Variants in ZNF385D observed in about 807,000 individuals in gnomAD.
ZNF385D encodes zinc finger protein 659.
A neutral mutation model predicts 35.8 loss-of-function variants in ZNF385D; 15 were observed. The ratio of observed to expected loss-of-function variants is 0.42; its 90% CI spans 0.28 to 0.64. ZNF385D has a LOEUF of 0.64. Among genes scored for constraint, ZNF385D ranks in the 30% least tolerant of loss-of-function variants. The probability of loss-of-function intolerance (pLI) is 0.23; values close to 1 mark genes in which losing one functional copy is unlikely to be tolerated. For synonymous variants in ZNF385D, 212 were observed against 186.8 expected (o/e 1.13, Z -1.10); for missense variants, 474 against 494.6 (o/e 0.96, Z 0.39).
At chr3:21,802,414 G>A (rs1436592835) in intron 3 of ZNF385D, among the ~76,000 whole-genome samples, 2 of 152,088 alleles carry the variant, frequency 1.3e-5, no homozygotes, top group Admixed American at 6.6e-5. Flanking sequence ...ACCCCTGAAA[G>A]AGAAGGCTAT....
chr3:21,930,219 C>T (rs1432340524), intron 3 of ZNF385D, among the ~76,000 whole-genome samples: 1 of 150,036 alleles, frequency 6.7e-6, no homozygotes, highest in Admixed American at 6.7e-5. Context: ...GCAAATGATG[C>T]TTGAACTATA....
At chr3:22,281,730 T>G (rs533310522) in intron 2 of ZNF385D, among the ~76,000 whole-genome samples, 1 of 152,192 alleles carries the variant, frequency 6.6e-6, no homozygotes, top group African/African-American at 2.4e-5. Flanking sequence ...TTCCTGGTTT[T>G]GGTGTTAGGA....
Position 22,313,895 on chromosome 3 carries a change from T to G in ZNF385D, c.106+58555A>C, listed in dbSNP as rs562759138. ...GATATCCTCAGGACCCTACCTCTTC[T>G]ATTCACTTCTTGGTTTGCTTCTTCA... On this transcript the variant is annotated intron_variant, in intron 2 of 5. Coordinates refer to the ZNF385D transcript ENST00000494108. Among the ~76,000 whole-genome samples, 23 of 152,276 alleles carry G rather than the reference T, an allele frequency of 1.5e-4. No individual in the cohort carries two copies. The East Asian group carries it at 2.5e-3, about 17-fold the overall frequency.
intron 3 of ZNF385D, among the ~76,000 whole-genome samples, chr3:22,159,747 G>T (rs1297550347): frequency 6.6e-6 from 1 of 152,004 alleles, no homozygotes; most frequent in East Asian, 1.9e-4. Context: ...TGATAAAAAA[G>T]GAATTTACTT....
intron 3 of ZNF385D, among the ~76,000 whole-genome samples, chr3:22,124,649 G>T (rs1354819978): frequency 6.6e-6 from 1 of 152,070 alleles, no homozygotes; most frequent in Non-Finnish European, 1.5e-5. Flanking sequence ...CTGTAGTTTG[G>T]ATTTGCATTT....
chr3:22,167,735 G>C (rs916388535), intron 3 of ZNF385D, among the ~76,000 whole-genome samples: 1 of 152,134 alleles, frequency 6.6e-6, no homozygotes, highest in Non-Finnish European at 1.5e-5. Flanking sequence ...GTGTCACTAG[G>C]TTTATCTTAT....
intron 2 of ZNF385D, among the ~76,000 whole-genome samples, chr3:21,571,025 C>G (rs1174342681): frequency 8.2e-6 from 1 of 121,418 alleles, no homozygotes; most frequent in African/African-American, 3.5e-5. Context: ...GGACAAATAA[C>G]TTACACACAA....
At chr3:22,291,481 A>C (rs944052730) in intron 2 of ZNF385D, among the ~76,000 whole-genome samples, 9 of 152,052 alleles carry the variant, frequency 5.9e-5, no homozygotes, top group African/African-American at 2.2e-4. Context: ...CCTACCATAT[A>C]CAAATATAAT....
chr3:21,476,616 A>C (rs941984207), intron 4 of ZNF385D, among the ~76,000 whole-genome samples: 1 of 152,080 alleles, frequency 6.6e-6, no homozygotes, highest in Non-Finnish European at 1.5e-5. Flanking sequence ...TTGCATTTGT[A>C]ATATATAAAA....
intron 3 of ZNF385D, among the ~76,000 whole-genome samples, chr3:22,137,671 A>C (rs1172840929): frequency 6.6e-6 from 1 of 152,188 alleles, no homozygotes; most frequent in African/African-American, 2.4e-5. Flanking sequence ...GACGTATCTC[A>C]AAATAATAAG....
chr3:21,979,549 TAAATAGAGCTGGAATA>T (rs1694294101), intron 3 of ZNF385D: 1 of 152,322 alleles, frequency 6.6e-6, no homozygotes, highest in South Asian at 2.1e-4. Flanking sequence ...CAGTTTCATA[TAAATAGAGCTGGAATA>T]AAACTCCTGC....
At chr3:21,720,013 T>C (rs939819505) in intron 1 of ZNF385D, among the ~76,000 whole-genome samples, 3 of 152,150 alleles carry the variant, frequency 2.0e-5, no homozygotes, top group African/African-American at 4.8e-5. Flanking sequence ...GGACCTAGAA[T>C]AGTGGTTGTG....
chr3:22,218,222 T>C (rs974621113), intron 2 of ZNF385D, among the ~76,000 whole-genome samples: 1 of 152,134 alleles, frequency 6.6e-6, no homozygotes, highest in African/African-American at 2.4e-5. Context: ...TCTTCTTTAA[T>C]TTTATTTAGC....
intron 3 of ZNF385D, among the ~76,000 whole-genome samples, chr3:22,156,399 C>T (rs888768624): frequency 6.6e-6 from 1 of 152,024 alleles, no homozygotes; most frequent in East Asian, 1.9e-4. Flanking sequence ...CCTGCCCCTG[C>T]ACAGATGGAT....
intron 3 of ZNF385D, among the ~76,000 whole-genome samples, chr3:22,112,795 G>A (rs927169354): frequency 3.3e-5 from 5 of 152,024 alleles, no homozygotes; most frequent in African/African-American, 1.2e-4. Context: ...TTCATTGTTT[G>A]TTAAGCCTGT....
At chr3:22,158,658 A>G (rs569304644) in intron 3 of ZNF385D, among the ~76,000 whole-genome samples, 1 of 151,480 alleles carries the variant, frequency 6.6e-6, no homozygotes, top group South Asian at 2.1e-4. Context: ...AATCTGTAAT[A>G]CCATCTTACA....
chr3:21,956,510 C>T (rs1001223620), intron 3 of ZNF385D, among the ~76,000 whole-genome samples: 1 of 151,854 alleles, frequency 6.6e-6, no homozygotes. Flanking sequence ...TAAGAGGTAA[C>T]CTTGGAAAAA....
chr3:21,912,945 T>G (rs1009063872), intron 3 of ZNF385D, among the ~76,000 whole-genome samples: 8 of 152,076 alleles, frequency 5.3e-5, no homozygotes, highest in Admixed American at 5.3e-4. Context: ...CTGACAATCT[T>G]ACTGTGGTTT....
chr3:22,301,036 A>G (rs752299272), intron 2 of ZNF385D, among the ~76,000 whole-genome samples: 1 of 152,046 alleles, frequency 6.6e-6, no homozygotes, highest in Non-Finnish European at 1.5e-5. Context: ...GAAACAACCT[A>G]GGTGTCATTC....
Sources: allele counts gnomAD v4.1 joint callset (sites outside exome capture counted in the v4.1 genomes callset), GRCh38; gene constraint gnomAD v4.1.1; transcripts MANE v1.5; gene names NCBI Gene and HGNC (gene_info 2026-07-23, HGNC 2026-07-21).